Variants in PITPNM2 observed in about 807,000 individuals in gnomAD.
PITPNM2 encodes the protein membrane-associated phosphatidylinositol transfer protein 2.
Under a neutral mutation model 132.2 loss-of-function variants are expected in PITPNM2, and 35 were observed. The observed-to-expected ratio is 0.26, with a 90% confidence interval of 0.20 to 0.35. PITPNM2 has a LOEUF of 0.35. PITPNM2 is among the 10% of genes least tolerant of loss of function. PITPNM2 has a pLI of 1.00. For missense variants in PITPNM2, 1,332 were observed against 1,912.0 expected, an observed-to-expected ratio of 0.70 and a Z score of 5.66; for synonymous variants, 738 against 799.2, an observed-to-expected ratio of 0.92 and a Z score of 1.29.
At chr12:123,071,107 C>T (rs1345501761) in intron 2 of PITPNM2, among the ~76,000 whole-genome samples, 1 of 152,210 alleles carries the variant, frequency 6.6e-6, no homozygotes, top group Non-Finnish European at 1.5e-5. Flanking sequence ...GACCTGGGAT[C>T]CTCGAGTGTC....
rs181192208 is a variant in PITPNM2, at chr12:123,029,362, G to A, written c.78+5151C>T. On this transcript the variant is annotated intron_variant, in intron 3 of 25. Transcript: ENST00000320201. ...CCAGCACTTTGGGAGACTGTGGGTG[G>A]ATCACCTGAGGTCAGGAGTTCAAGA... Among the ~76,000 whole-genome samples the A allele has an allele frequency of 3.1e-3, 472 of 152,324 alleles. 1 individual carries two copies. Among genetic ancestry groups the A allele is most frequent in the African/African-American group, 0.011 (459 of 41,570 alleles).
chr12:123,119,725 T>C (rs999326400), intron 1 of PITPNM2, among the ~76,000 whole-genome samples: 1 of 152,114 alleles, frequency 6.6e-6, no homozygotes, highest in Admixed American at 6.5e-5. Context: ...CCATGAGTAC[T>C]AATATCAGGC....
chr12:123,033,006 G>A (rs2040147082), intron 3 of PITPNM2, among the ~76,000 whole-genome samples: 5 of 152,176 alleles, frequency 3.3e-5, no homozygotes, highest in Admixed American at 2.6e-4. Context: ...GCTCTGCTGC[G>A]AGCTCACAGC....
chr12:123,030,105 C>T (rs1167714932), intron 3 of PITPNM2, among the ~76,000 whole-genome samples: 5 of 151,056 alleles, frequency 3.3e-5, no homozygotes, highest in African/African-American at 7.3e-5. Flanking sequence ...GAAAAGCCTC[C>T]GAGAAGGACA....
At chr12:123,104,356 C>A (rs556786461) in intron 2 of PITPNM2, among the ~76,000 whole-genome samples, 8 of 152,236 alleles carry the variant, frequency 5.3e-5, no homozygotes, top group East Asian at 1.9e-4. Flanking sequence ...TGCACCTATA[C>A]GCCCAGACGG....
chr12:123,073,271 TC>T (rs2136926031), intron 2 of PITPNM2, among the ~76,000 whole-genome samples: 1 of 152,170 alleles, frequency 6.6e-6, no homozygotes, highest in African/African-American at 2.4e-5. Context: ...ACATAAGAAC[TC>T]CCCTCTACAC....
chr12:122,986,998 C>T (rs992444401), intron 23 of PITPNM2, among the ~76,000 whole-genome samples, 169 bp from the exon 24 acceptor site: 1 of 152,284 alleles, frequency 6.6e-6, no homozygotes, highest in Non-Finnish European at 1.5e-5. Context: ...CCCTTGGGTG[C>T]CCGCACTGGG....
intron 1 of PITPNM2, among the ~76,000 whole-genome samples, chr12:123,124,134 T>C (rs1228866438): frequency 6.6e-6 from 1 of 151,940 alleles, no homozygotes; most frequent in Non-Finnish European, 1.5e-5. Context: ...CAGATGCCTG[T>C]AACCCCAGCT....
In PITPNM2 at chr12:123,031,070, T is replaced by C. The variant is rs1190666037; in HGVS notation, c.78+3443A>G. 1.3e-5 allele frequency among the ~76,000 whole-genome samples: 2 copies of C among 152,238 alleles called. No homozygotes were observed. Among genetic ancestry groups the C allele is most frequent in the East Asian group, 3.8e-4 (2 of 5,204 alleles). ...AGTGTTTTGGAACTAAAGTTGGTGG[T>C]TGCACAACATTGTGAGTATACTAAA... On this transcript the variant is annotated intron_variant, in intron 3 of 25. Coordinates refer to ENST00000320201, the MANE Select transcript of PITPNM2 (RefSeq NM_020845.3). This position sits in a 1 kb window ranked among gnomAD's most constrained non-coding sequence, Gnocchi z 4.5.
intron 2 of PITPNM2, among the ~76,000 whole-genome samples, chr12:123,052,077 G>GTTTTTTTTTTT (rs10606016): frequency 1.5e-3 from 147 of 100,620 alleles, no homozygotes; most frequent in Middle Eastern, 5.5e-3. Context: ...TAATTTTATT[G>GTTTTTTTTTTT]TTTTTTTTTT....
chr12:123,134,273 C>A (rs1245180006), intron 1 of PITPNM2, among the ~76,000 whole-genome samples: 1 of 151,842 alleles, frequency 6.6e-6, no homozygotes, highest in Non-Finnish European at 1.5e-5. Flanking sequence ...CCATGTTAGC[C>A]AAGATGGTCG....
At position 122,994,776 on chromosome 12, in the gene PITPNM2, C is replaced by CA. The variant is rs1426107954; in HGVS notation, c.2233+24dup. 4 of 1,599,406 alleles carry CA rather than the reference C, an allele frequency of 2.5e-6. No homozygotes were observed. In the South Asian group the frequency reaches 3.4e-5, roughly 13 times the overall value. On this transcript the variant is annotated intron_variant, in intron 15 of 25. Transcript: ENST00000320201. This position sits in a 1 kb window ranked among gnomAD's most constrained non-coding sequence, Gnocchi z 5.4. ...CCCCGCACCCAGTGCATGTACCCCC[C>CA]ATCCTGCCCCTGCTGGGCTCTCACC... is the stretch of plus-strand genomic sequence containing the variant.
intron 1 of PITPNM2, among the ~76,000 whole-genome samples, chr12:123,124,836 A>T (rs1046120072): frequency 4.6e-5 from 7 of 152,174 alleles, no homozygotes; most frequent in African/African-American, 7.2e-5. Context: ...TGATCTTTAT[A>T]TTTTATTACT....
chr12:123,117,565 C>T lies in PITPNM2; in HGVS notation c.-199-7077G>A, dbSNP rs183850162. ...CTCTGAAAGGGTTCTCAGTTCAGCTCCAACATTCTACAATCCTATGATTTG... is the reference window on the plus strand; with the variant it reads ...CTCTGAAAGGGTTCTCAGTTCAGCTTCAACATTCTACAATCCTATGATTTG... On this transcript the variant is annotated intron_variant, in intron 1 of 25. Transcript: ENST00000320201. This position sits in a 1 kb window ranked among gnomAD's most constrained non-coding sequence, Gnocchi z 4.7. Among the ~76,000 whole-genome samples, 5 of 152,250 alleles carry T rather than the reference C, an allele frequency of 3.3e-5. No individual in the cohort carries two copies. The highest frequency in any genetic ancestry group is 1.5e-5 in the Non-Finnish European group (1 of 68,022).
At chr12:123,048,048 G>A (rs1274068803) in intron 2 of PITPNM2, among the ~76,000 whole-genome samples, 3 of 149,458 alleles carry the variant, frequency 2.0e-5, no homozygotes, top group South Asian at 2.1e-4. Context: ...GCAGTGAGCC[G>A]AGATTGCACA....
At chr12:123,127,597 C>A (rs567495831) in intron 1 of PITPNM2, among the ~76,000 whole-genome samples, 1 of 151,856 alleles carries the variant, frequency 6.6e-6, no homozygotes, top group Non-Finnish European at 1.5e-5. Flanking sequence ...TTATGCCCTG[C>A]CTCTTTTTCT....
intron 1 of PITPNM2, among the ~76,000 whole-genome samples, chr12:123,122,248 AGGTC>A (rs2043046490): frequency 6.6e-6 from 1 of 152,162 alleles, no homozygotes; most frequent in African/African-American, 2.4e-5. Context: ...AGATCGTCTG[AGGTC>A]GGGAGTTCGA....
At chr12:123,062,758 C>T (rs1242191512) in intron 2 of PITPNM2, among the ~76,000 whole-genome samples, 1 of 152,080 alleles carries the variant, frequency 6.6e-6, no homozygotes, top group Non-Finnish European at 1.5e-5. Flanking sequence ...AAATGAGTTA[C>T]AAAAAAGTGT....
chr12:123,096,074 G>A (rs772964127), intron 2 of PITPNM2, among the ~76,000 whole-genome samples: 4 of 152,206 alleles, frequency 2.6e-5, no homozygotes, highest in African/African-American at 7.2e-5. Context: ...TACACATGTC[G>A]CCTGCTCAGG....
Sources: allele counts gnomAD v4.1 joint callset (sites outside exome capture counted in the v4.1 genomes callset), GRCh38; gene constraint gnomAD v4.1.1; non-coding constraint Gnocchi (gnomAD v3.1); transcripts MANE v1.5; gene names NCBI Gene and HGNC (gene_info 2026-07-23, HGNC 2026-07-21).